The following CCDC7 variants were observed in gnomAD, a reference collection of about 807,000 sequenced individuals.
CCDC7 encodes the protein coiled-coil domain containing 7.
A neutral mutation model predicts 196.9 loss-of-function variants in CCDC7; 183 were observed. The observed-to-expected ratio is 0.93, with a 90% CI of 0.82 to 1.05. The LOEUF (loss-of-function observed/expected upper bound fraction) is 1.05, where lower values mean the gene tolerates loss of function less well. Among genes scored for constraint, CCDC7 ranks in the 50% least tolerant of loss-of-function variants. The probability of loss-of-function intolerance (pLI) is 0.00; values close to 1 mark genes in which losing one functional copy is unlikely to be tolerated. For missense variants in CCDC7, 1,540 were observed against 1,482.2 expected, an observed-to-expected ratio of 1.04 and a Z score of -0.64; for synonymous variants, 525 against 484.6, an observed-to-expected ratio of 1.08 and a Z score of -1.10.
At chr10:32,497,564 T>A (rs2043112060) in intron 9 of CCDC7, among the ~76,000 whole-genome samples, 1 of 152,212 alleles carries the variant, frequency 6.6e-6, no homozygotes, top group African/African-American at 2.4e-5. Flanking sequence ...GTGCTTTAAA[T>A]GTGTCCCAAA....
intron 11 of CCDC7, 83 bp from the exon 13 acceptor site, chr10:32,543,217 C>T (rs1304311147): frequency 1.7e-6 from 2 of 1,179,690 alleles, no homozygotes; most frequent in South Asian, 2.6e-5. Flanking sequence ...GTAAAATGTA[C>T]ATTAATAATG....
intron 8 of CCDC7, among the ~76,000 whole-genome samples, chr10:32,487,274 G>A (rs1222995606): frequency 1.3e-5 from 2 of 151,980 alleles, no homozygotes; most frequent in African/African-American, 2.4e-5. Flanking sequence ...CCAGTTGATC[G>A]AATCGGCTAC....
chr10:32,671,485 T>A (rs966117267), intron 21 of CCDC7, among the ~76,000 whole-genome samples: 15 of 152,278 alleles, frequency 9.9e-5, no homozygotes, highest in African/African-American at 3.6e-4. Context: ...TCAAGACATA[T>A]CCCTGTCATT....
chr10:32,834,847 G>A (rs1227412012), exon 33 of CCDC7: 3 of 1,469,700 alleles, frequency 2.0e-6, no homozygotes, highest in South Asian at 1.1e-5. Context: ...AGGTGTTAAT[G>A]GAAAAGATAT....
At chr10:32,508,007 A>G (rs1265962251) in intron 9 of CCDC7, among the ~76,000 whole-genome samples, 2 of 152,248 alleles carry the variant, frequency 1.3e-5, no homozygotes, top group African/African-American at 2.4e-5. Context: ...ATGTAGTACC[A>G]GAAGTCAAAT....
At chr10:32,759,629 A>G (rs1014211473) in intron 28 of CCDC7, among the ~76,000 whole-genome samples, 1 of 152,192 alleles carries the variant, frequency 6.6e-6, no homozygotes, top group African/African-American at 2.4e-5. Context: ...TAGACCTAAT[A>G]CCATAAAAAC....
At chr10:32,717,442 A>C (rs2081771674) in intron 25 of CCDC7, among the ~76,000 whole-genome samples, 2 of 152,202 alleles carry the variant, frequency 1.3e-5, no homozygotes, top group Admixed American at 1.3e-4. Flanking sequence ...AAGACCTAAA[A>C]TCCGTACCCT....
In CCDC7 at chr10:32,488,337, C is replaced by T. The variant is rs553037590; in HGVS notation, c.797-3585C>T. On this transcript the variant is annotated intron_variant, in intron 8 of 41. Transcript: ENST00000639629. ...CTGTTTGCTAAGACCATTGGAAAAG[C>T]GCGGTATTAGGGTGGGAGTGACCTG... Among the ~76,000 whole-genome samples the T allele has an allele frequency of 9.1e-4, 139 of 152,306 alleles. 1 individual carries two copies. Among genetic ancestry groups the T allele is most frequent in the African/African-American group, 1.1e-3 (47 of 41,566 alleles).
exon 36 of CCDC7, chr10:32,845,932 A>G (rs1435741531): frequency 1.2e-6 from 2 of 1,612,178 alleles, no homozygotes; most frequent in Admixed American, 3.3e-5. Flanking sequence ...AATAGGGCCA[A>G]TCACTACACA....
chr10:32,466,321 A>G (rs1351399034), intron 5 of CCDC7, among the ~76,000 whole-genome samples: 1 of 130,120 alleles, frequency 7.7e-6, no homozygotes, highest in African/African-American at 2.9e-5. Context: ...TTTGTTATTT[A>G]CGTAAACTCA....
intron 9 of CCDC7, chr10:32,511,261 C>CGGGGT (rs2046101429): frequency 1.0e-5 from 4 of 383,216 alleles, no homozygotes; most frequent in East Asian, 8.5e-5. Context: ...CTGTGGGGGG[C>CGGGGT]GGGGGGGGCG....
intron 32 of CCDC7, among the ~76,000 whole-genome samples, chr10:32,830,484 C>G (rs141609533): frequency 2.0e-5 from 3 of 151,654 alleles, no homozygotes; most frequent in Admixed American, 2.0e-4. Flanking sequence ...GGAGCAACTA[C>G]AAAATAATTC....
intron 28 of CCDC7, among the ~76,000 whole-genome samples, chr10:32,774,402 T>C (rs1361621087): frequency 6.6e-6 from 1 of 152,150 alleles, no homozygotes; most frequent in Non-Finnish European, 1.5e-5. Flanking sequence ...TATAACCAGC[T>C]GGGAGACTGA....
chr10:32,524,949 C>A (rs1339388595), intron 11 of CCDC7, among the ~76,000 whole-genome samples: 4 of 152,024 alleles, frequency 2.6e-5, no homozygotes, highest in Non-Finnish European at 5.9e-5. Flanking sequence ...TTGATATTAT[C>A]CCTTTGAATA....
At chr10:32,795,568 T>G (rs1051949643) in intron 29 of CCDC7, among the ~76,000 whole-genome samples, 2 of 152,166 alleles carry the variant, frequency 1.3e-5, no homozygotes, top group African/African-American at 4.8e-5. Context: ...AGTCATTGTT[T>G]TTTTGCTTTT....
intron 29 of CCDC7, among the ~76,000 whole-genome samples, chr10:32,797,667 A>G (rs2083887900): frequency 6.6e-6 from 1 of 152,212 alleles, no homozygotes. Flanking sequence ...AAATAAAAAC[A>G]TAGTTTAAAA....
intron 9 of CCDC7, among the ~76,000 whole-genome samples, chr10:32,508,932 A>ATTTT (rs4016795): frequency 3.4e-5 from 4 of 117,098 alleles, no homozygotes; most frequent in Admixed American, 1.0e-4. Flanking sequence ...TGTGCCTGGC[A>ATTTT]TTTTTTTTTT....
chr10:32,583,543 TAC>T (rs1357383163), intron 17 of CCDC7, among the ~76,000 whole-genome samples: 4 of 151,694 alleles, frequency 2.6e-5, no homozygotes, highest in Admixed American at 2.6e-4. Context: ...AGTTGTGGGT[TAC>T]ATTTTAGTTT....
At chr10:32,758,260 A>G (rs903716026) in intron 28 of CCDC7, among the ~76,000 whole-genome samples, 6 of 152,226 alleles carry the variant, frequency 3.9e-5, no homozygotes, top group African/African-American at 1.4e-4. Context: ...TGAGGCCAGC[A>G]GCATACTGAT....
Sources: gnomAD v4.1 joint callset for allele counts (sites outside exome capture counted in the v4.1 genomes callset) on GRCh38, gnomAD v4.1.1 for gene constraint, MANE v1.5 for transcripts, NCBI Gene and HGNC (gene_info 2026-07-23, HGNC 2026-07-21) for gene names.